RBFOX2: variants seen among roughly 807,000 people sequenced by gnomAD.
RBFOX2 encodes the protein RNA binding protein fox-1 homolog 2.
In RBFOX2, 10 loss-of-function variants were observed where a neutral mutation model predicts 49.1. That is an observed-to-expected ratio of 0.20 (90% CI 0.13 to 0.35). The LOEUF (loss-of-function observed/expected upper bound fraction) is 0.35. Ranked by LOEUF, RBFOX2 falls within the 10% of genes least tolerant of loss-of-function variation. The probability of loss-of-function intolerance (pLI) is 1.00; values close to 1 mark genes in which losing one functional copy is unlikely to be tolerated. For synonymous variants in RBFOX2, 183 were observed against 187.4 expected (o/e 0.98, Z 0.19); for missense variants, 323 against 486.9 (o/e 0.66, Z 3.17).
At chr22:35,958,988 T>C (rs2055905235) in intron 1 of RBFOX2, among the ~76,000 whole-genome samples, 1 of 148,996 alleles carries the variant, frequency 6.7e-6, no homozygotes, top group Non-Finnish European at 1.5e-5. Flanking sequence ...GTGTAAAGCT[T>C]AGTTTTCTGC....
chr22:35,844,965 TCTTGTCATA>T (rs988471125), upstream of RBFOX2, among the ~76,000 whole-genome samples: 1 of 152,080 alleles, frequency 6.6e-6, no homozygotes, highest in African/African-American at 2.4e-5. Context: ...TTTTAGGTGT[TCTTGTCATA>T]CAGAAGTAAC....
upstream of RBFOX2, chr22:35,961,787 C>T: frequency 6.1e-6 from 7 of 1,152,986 alleles, no homozygotes; most frequent in Non-Finnish European, 6.6e-6. Context: ...CAACAGGAAC[C>T]TGAGCTAAAT....
chr22:35,821,683 TTTAA>T (rs1423087287), intron 1 of RBFOX2: 6 of 514,028 alleles, frequency 1.2e-5, no homozygotes, highest in Non-Finnish European at 2.3e-5. Flanking sequence ...CTGACCTTCT[TTTAA>T]TAGTTCCCTA....
intron 1 of RBFOX2, among the ~76,000 whole-genome samples, chr22:35,960,494 CAA>C (rs1217521318): frequency 2.2e-4 from 33 of 152,166 alleles, no homozygotes; most frequent in Admixed American, 9.8e-4. Context: ...CACACTTGAA[CAA>C]ATAAATCCAA....
chr22:35,839,490 G>A (rs1252883116), intron 1 of RBFOX2, among the ~76,000 whole-genome samples: 1 of 152,116 alleles, frequency 6.6e-6, no homozygotes, highest in Non-Finnish European at 1.5e-5. Flanking sequence ...CGAGAGGGGA[G>A]ACAGAGGGAG....
intron 1 of RBFOX2, among the ~76,000 whole-genome samples, chr22:35,882,949 TG>T (rs1431441071): frequency 2.0e-5 from 3 of 152,140 alleles, no homozygotes; most frequent in Non-Finnish European, 4.4e-5. Flanking sequence ...AATCACTAAA[TG>T]GCATAACTTT....
intron 2 of RBFOX2, among the ~76,000 whole-genome samples, chr22:35,803,147 A>AACACACACACACACACACACACAC (rs374346895): frequency 2.1e-5 from 3 of 145,844 alleles, no homozygotes; most frequent in African/African-American, 7.6e-5. Context: ...AATTACTTAA[A>AACACACACACACACACACACACAC]ACACACACAC....
chr22:35,955,793 G>A (rs939717325), intron 1 of RBFOX2, among the ~76,000 whole-genome samples: 1 of 152,158 alleles, frequency 6.6e-6, no homozygotes, highest in South Asian at 2.1e-4. Flanking sequence ...ACTGTGGCCT[G>A]GGGATTGGAG....
chr22:36,019,970 G>A (rs1281023022), intron 1 of RBFOX2, among the ~76,000 whole-genome samples: 1 of 152,108 alleles, frequency 6.6e-6, no homozygotes, highest in Non-Finnish European at 1.5e-5. Context: ...CAAAGCTGGG[G>A]GCATCACGCT....
rs1371394783 is a variant in RBFOX2 at position 35,781,858 on chromosome 22, T to A, written c.253-112A>T. On this transcript the variant is annotated intron_variant, in intron 2 of 11. Coordinates refer to ENST00000405409, the Ensembl canonical transcript of RBFOX2. ...GGGTATGTTTAAGCAAAAATCACAG[T>A]AGTCCCTTCAAAGACAAAAGCAACA... 22 of 1,276,786 alleles carry A rather than the reference T, an allele frequency of 1.7e-5. No individual in the cohort carries two copies. In the African/African-American group the frequency reaches 2.3e-4, roughly 13 times the overall value. The allele number at this position is 1,276,786 out of a possible 1,614,324, so 79.1% of individuals were successfully genotyped here.
upstream of RBFOX2, among the ~76,000 whole-genome samples, chr22:35,964,111 T>C (rs944235103): frequency 6.6e-6 from 1 of 152,160 alleles, no homozygotes; most frequent in African/African-American, 2.4e-5. Flanking sequence ...AAGGTGACCA[T>C]GGTTATATAC....
At chr22:35,855,615 C>T (rs2042421534) in intron 1 of RBFOX2, among the ~76,000 whole-genome samples, 1 of 148,532 alleles carries the variant, frequency 6.7e-6, no homozygotes, top group Admixed American at 6.8e-5. Flanking sequence ...TGCCATGTTG[C>T]CCAGGCTGGT....
intron 1 of RBFOX2, among the ~76,000 whole-genome samples, chr22:35,864,003 T>C (rs948325166): frequency 3.3e-5 from 5 of 152,236 alleles, no homozygotes; most frequent in Admixed American, 6.5e-5. Context: ...AAACTTCTTC[T>C]GCTTCTCAGA....
At chr22:35,752,081 T>C (rs941530600) in intron 9 of RBFOX2, among the ~76,000 whole-genome samples, 1 of 152,234 alleles carries the variant, frequency 6.6e-6, no homozygotes, top group Non-Finnish European at 1.5e-5. Flanking sequence ...GGGAAATGCA[T>C]GTCTCAATGT....
At chr22:35,885,901 G>C (rs2046511906) in intron 1 of RBFOX2, among the ~76,000 whole-genome samples, 1 of 123,722 alleles carries the variant, frequency 8.1e-6, no homozygotes, top group Admixed American at 1.0e-4. Flanking sequence ...CTGTTGCCCA[G>C]GCTGGAGTGC....
chr22:35,952,753 G>A (rs562212640), intron 1 of RBFOX2, among the ~76,000 whole-genome samples: 1 of 152,260 alleles, frequency 6.6e-6, no homozygotes, highest in Non-Finnish European at 1.5e-5. Flanking sequence ...ATGTAAAATG[G>A]AGCAGCTGCT....
intron 1 of RBFOX2, among the ~76,000 whole-genome samples, chr22:35,874,168 C>G (rs956042335): frequency 6.6e-6 from 1 of 152,158 alleles, no homozygotes; most frequent in Non-Finnish European, 1.5e-5. Flanking sequence ...CCTCACAATT[C>G]TAAGAAATAA....
chr22:35,886,834 C>T (rs1214981197), intron 1 of RBFOX2, among the ~76,000 whole-genome samples: 2 of 152,160 alleles, frequency 1.3e-5, no homozygotes, highest in African/African-American at 4.8e-5. Context: ...TGGTACACGA[C>T]TGTACAGTTT....
At chr22:36,016,588 G>A (rs2059044760) in intron 1 of RBFOX2, among the ~76,000 whole-genome samples, 2 of 152,170 alleles carry the variant, frequency 1.3e-5, no homozygotes, top group Admixed American at 6.5e-5. Flanking sequence ...CAAGGAACCA[G>A]CCTATACATG....
Sources: allele counts gnomAD v4.1 joint callset (sites outside exome capture counted in the v4.1 genomes callset), GRCh38; gene constraint gnomAD v4.1.1; transcripts MANE v1.5; gene names NCBI Gene and HGNC (gene_info 2026-07-23, HGNC 2026-07-21).